The following SAMSN1 variants were observed in gnomAD, a reference collection of about 807,000 sequenced individuals.
SAMSN1 encodes SAM domain-containing protein SAMSN-1.
SAMSN1 carries 31 observed loss-of-function variants against 42.0 expected under a neutral mutation model. The observed-to-expected ratio is 0.74, with a 90% confidence interval of 0.55 to 1.00. The LOEUF is 1.00. Among genes scored for constraint, SAMSN1 ranks in the 50% least tolerant of loss-of-function variants. The pLI is 0.00. For missense variants in SAMSN1, 464 were observed against 439.4 expected, an observed-to-expected ratio of 1.06 and a Z score of -0.50; for synonymous variants, 178 against 151.9, an observed-to-expected ratio of 1.17 and a Z score of -1.26.
At chr21:14,532,876 A>G (rs1979355559) in intron 1 of SAMSN1, among the ~76,000 whole-genome samples, 1 of 151,848 alleles carries the variant, frequency 6.6e-6, no homozygotes. Flanking sequence ...TACAAAATGT[A>G]CATATTTAAT....
intron 3 of SAMSN1, among the ~76,000 whole-genome samples, chr21:14,515,750 T>C (rs1000776057): frequency 2.0e-5 from 3 of 152,154 alleles, no homozygotes; most frequent in Non-Finnish European, 4.4e-5. Flanking sequence ...ATATATCTGA[T>C]AAAAAACTTG....
chr21:14,535,790 C>T (rs558129076), intron 1 of SAMSN1, among the ~76,000 whole-genome samples: 2 of 152,196 alleles, frequency 1.3e-5, no homozygotes, highest in African/African-American at 4.8e-5. Flanking sequence ...ACAGATCCTT[C>T]CTTGAAAGCT....
At chr21:14,499,817 AC>A (rs1457445618) in intron 6 of SAMSN1, among the ~76,000 whole-genome samples, 7 of 152,320 alleles carry the variant, frequency 4.6e-5, no homozygotes, top group African/African-American at 1.2e-4. Context: ...TCAGAAAAAA[AC>A]AATTAAGAAA....
intron 2 of SAMSN1, among the ~76,000 whole-genome samples, chr21:14,580,557 C>T (rs1342168050): frequency 6.6e-6 from 1 of 151,958 alleles, no homozygotes; most frequent in Non-Finnish European, 1.5e-5. Flanking sequence ...TGCAGCAGTC[C>T]CAGAAAAGAA....
intron 2 of SAMSN1, among the ~76,000 whole-genome samples, chr21:14,574,737 A>T (rs117111488): frequency 1.3e-5 from 2 of 152,176 alleles, no homozygotes; most frequent in Non-Finnish European, 2.9e-5. Context: ...TTTTTATTGT[A>T]AAATGTTTTA....
chr21:14,543,117 T>TA (rs1306801516), intron 1 of SAMSN1, among the ~76,000 whole-genome samples: 1 of 152,240 alleles, frequency 6.6e-6, no homozygotes, highest in Non-Finnish European at 1.5e-5. Flanking sequence ...AGACACACAT[T>TA]AAAGCCCTTA....
chr21:14,648,156 A>G lies in SAMSN1; in HGVS notation c.25-5023T>C, dbSNP rs78755738. Among the ~76,000 whole-genome samples the G allele has an allele frequency of 3.4e-3, 524 of 152,000 alleles. 1 individual carries two copies. Among genetic ancestry groups the G allele is most frequent in the African/African-American group, 0.012 (499 of 41,458 alleles). The stretch of plus-strand genomic sequence containing the variant: ...GATAGCTCTTATTATTTTGAAATAC[A>G]TCCCATCAATACCTAATTTATTGAG... On this transcript the variant is annotated intron_variant, in intron 1 of 15. Coordinates refer to the SAMSN1 transcript ENST00000647101.
intron 7 of SAMSN1, chr21:14,592,170 G>A (rs1389842019): frequency 6.6e-6 from 1 of 152,092 alleles, no homozygotes; most frequent in Non-Finnish European, 1.5e-5. Flanking sequence ...CCTCTGCTCT[G>A]AAATTTTGAA....
intron 3 of SAMSN1, among the ~76,000 whole-genome samples, chr21:14,613,925 A>G (rs1025670949): frequency 6.6e-6 from 1 of 152,148 alleles, no homozygotes; most frequent in African/African-American, 2.4e-5. Flanking sequence ...ATGCTTAAAA[A>G]AACACAAGGA....
At position 14,544,738 on chromosome 21, in the gene SAMSN1, A is replaced by C. The variant is rs150380309; in HGVS notation, c.57+1467T>G. Among the ~76,000 whole-genome samples the C allele has an allele frequency of 6.6e-5, 10 of 152,298 alleles. No homozygotes were observed. In the East Asian group the frequency reaches 1.9e-3, roughly 29 times the overall value. On this transcript the variant is annotated intron_variant, in intron 1 of 7. Coordinates refer to ENST00000400566, the MANE Select transcript of SAMSN1 (RefSeq NM_022136.5). ...TTATAATAGTTACTGCTCTTAAGCC[A>C]AATGATGATGATGGAGTAAAGTATC...
chr21:14,646,133 T>G (rs1473134158), intron 1 of SAMSN1, among the ~76,000 whole-genome samples: 1 of 151,994 alleles, frequency 6.6e-6, no homozygotes, highest in Non-Finnish European at 1.5e-5. Context: ...TTCCCAAACC[T>G]AGAGAAAGAT....
intron 2 of SAMSN1, among the ~76,000 whole-genome samples, chr21:14,517,614 A>C (rs1445874319): frequency 6.6e-6 from 1 of 152,136 alleles, no homozygotes; most frequent in African/African-American, 2.4e-5. Context: ...GCAATAGTAA[A>C]TATGAACTAG....
chr21:14,635,203 A>T (rs1192127553), intron 2 of SAMSN1, among the ~76,000 whole-genome samples: 3 of 152,188 alleles, frequency 2.0e-5, no homozygotes, highest in Non-Finnish European at 4.4e-5. Context: ...GAGGGGAGGG[A>T]TAGCATTAGG....
intron 5 of SAMSN1, among the ~76,000 whole-genome samples, chr21:14,504,590 A>G (rs1987318120): frequency 1.3e-5 from 2 of 152,262 alleles, no homozygotes; most frequent in Admixed American, 1.3e-4. Flanking sequence ...AAAGCCTCCA[A>G]GAAGTCTGGG....
intron 2 of SAMSN1, among the ~76,000 whole-genome samples, chr21:14,557,450 T>G (rs1980798580): frequency 6.6e-6 from 1 of 152,176 alleles, no homozygotes; most frequent in South Asian, 2.1e-4. Context: ...CCCATACTTC[T>G]TCTAGGACGT....
chr21:14,554,265 A>G (rs1980687635), intron 2 of SAMSN1, among the ~76,000 whole-genome samples: 1 of 152,122 alleles, frequency 6.6e-6, no homozygotes, highest in Non-Finnish European at 1.5e-5. Flanking sequence ...TGACTCTGTC[A>G]TTTACCTGGG....
chr21:14,554,166 C>G (rs1449583672), intron 2 of SAMSN1, among the ~76,000 whole-genome samples: 1 of 152,118 alleles, frequency 6.6e-6, no homozygotes, highest in Non-Finnish European at 1.5e-5. Flanking sequence ...GTTCACTTTT[C>G]ATAACATTCT....
chr21:14,632,724 G>A, intron 2 of SAMSN1, among the ~76,000 whole-genome samples: 1 of 152,282 alleles, frequency 6.6e-6, no homozygotes, highest in Middle Eastern at 3.4e-3. Flanking sequence ...TCACAGGATT[G>A]TAATCAACTG....
intron 2 of SAMSN1, among the ~76,000 whole-genome samples, chr21:14,573,479 A>G (rs988965524): frequency 6.6e-6 from 1 of 152,124 alleles, no homozygotes; most frequent in Non-Finnish European, 1.5e-5. Context: ...TCCAGAGACC[A>G]TGAGGGAGAG....
Sources: allele counts gnomAD v4.1 joint callset (sites outside exome capture counted in the v4.1 genomes callset), GRCh38; gene constraint gnomAD v4.1.1; transcripts MANE v1.5; gene names NCBI Gene and HGNC (gene_info 2026-07-23, HGNC 2026-07-21).